The following SDK1 variants were observed in gnomAD, a reference collection of about 807,000 sequenced individuals.
The protein encoded by SDK1 is sidekick cell adhesion molecule 1, also known as protein sidekick-1.
A neutral mutation model predicts 245.5 loss-of-function variants in SDK1; 157 were observed. That is an observed-to-expected ratio of 0.64 (90% CI 0.56 to 0.73). The LOEUF is 0.73. Among genes scored for constraint, SDK1 ranks in the 30% least tolerant of loss-of-function variants. SDK1 has a pLI of 0.00. For missense variants in SDK1, 3,583 were observed against 3,002.3 expected, an observed-to-expected ratio of 1.19 and a Z score of -4.52; for synonymous variants, 1,647 against 1,278.5, an observed-to-expected ratio of 1.29 and a Z score of -6.15.
chr7:4,228,768 G>T (rs1379845595), intron 40 of SDK1, among the ~76,000 whole-genome samples: 4 of 152,182 alleles, frequency 2.6e-5, no homozygotes, highest in African/African-American at 9.7e-5. Context: ...TTGAACTCGT[G>T]ACCTCGTGAT....
chr7:3,480,520 C>T (rs1356385631), intron 1 of SDK1, among the ~76,000 whole-genome samples: 3 of 152,206 alleles, frequency 2.0e-5, no homozygotes, highest in East Asian at 1.9e-4. Context: ...CTTCGGTGTT[C>T]CCGATAAGCT....
intron 5 of SDK1, among the ~76,000 whole-genome samples, chr7:3,887,400 C>T (rs139447142): frequency 1.3e-5 from 2 of 152,202 alleles, no homozygotes; most frequent in East Asian, 1.9e-4. Context: ...GGGGAGGAAC[C>T]GTGGAGTATT....
chr7:3,821,475 G>T lies in SDK1; in HGVS notation c.739G>T (p.Val247Leu). The T allele has an allele frequency of 6.2e-7, 1 of 1,613,390 alleles. No homozygotes were observed. The highest frequency in any genetic ancestry group is 8.5e-7 in the Non-Finnish European group (1 of 1,179,710). ...AGCCATCACATTGGAGAATCAGCTG[G>T]TGATCCTCGCCACCACAACCAGTGA... ...RIAITLENQLVILATTTSDAG... is the reference protein window; with the variant it reads ...RIAITLENQLLILATTTSDAG... Residue 247 changes from valine (V) to leucine (L), a missense_variant, in exon 5 of 45, where the codon GTG becomes TTG. By Grantham distance (32) the Val-to-Leu change is conservative. Transcript: ENST00000404826.
chr7:3,329,027 G>A (rs866195826), intron 1 of SDK1, among the ~76,000 whole-genome samples: 8 of 152,238 alleles, frequency 5.3e-5, no homozygotes, highest in Middle Eastern at 3.4e-3. Flanking sequence ...AGTCTTTTAC[G>A]ATGTTCACCG....
At chr7:3,430,589 G>C (rs1346238272) in intron 1 of SDK1, among the ~76,000 whole-genome samples, 1 of 152,166 alleles carries the variant, frequency 6.6e-6, no homozygotes, top group African/African-American at 2.4e-5. Flanking sequence ...CCTGTCCTAT[G>C]TGACAGTCTC....
rs967666115 is a variant in SDK1 at position 3,605,627 on chromosome 7, C to CT, written c.299-13444dup. Among the ~76,000 whole-genome samples the CT allele has an allele frequency of 2.4e-4, 36 of 151,050 alleles. No individual in the cohort carries two copies. In the East Asian group the frequency reaches 4.7e-3, roughly 20 times the overall value. ...AAATGTCACCTACTATTTAATTTTC[C>CT]TTTTTTTTTCCAGAGTAATTTTCAC... On this transcript the variant is annotated intron_variant, in intron 1 of 44. Coordinates refer to ENST00000404826, the MANE Select transcript of SDK1 (RefSeq NM_152744.4).
At chr7:3,458,432 A>T (rs764693290) in intron 1 of SDK1, among the ~76,000 whole-genome samples, 2 of 152,000 alleles carry the variant, frequency 1.3e-5, no homozygotes, top group Non-Finnish European at 2.9e-5. Context: ...AACTCCTTCT[A>T]TGTGGCTGTT....
At chr7:3,442,599 A>G (rs753676176) in intron 1 of SDK1, among the ~76,000 whole-genome samples, 1 of 152,220 alleles carries the variant, frequency 6.6e-6, no homozygotes, top group Admixed American at 6.5e-5. Context: ...GCCCTTTTCT[A>G]ACTTTTCAAA....
chr7:3,309,994 T>G (rs1779512595), intron 1 of SDK1, among the ~76,000 whole-genome samples: 1 of 152,180 alleles, frequency 6.6e-6, no homozygotes, highest in Non-Finnish European at 1.5e-5. Flanking sequence ...ACAGTATAAT[T>G]AGGAGAATTT....
In SDK1 at chr7:4,051,970, G is replaced by C. The variant is rs181085256; in HGVS notation, c.2911+140G>C. 1.1e-4 allele frequency: 76 copies of C among 678,728 alleles called. No homozygotes were observed. The African/African-American group carries it at 1.3e-3, about 11-fold the overall frequency. 42.0% of individuals were successfully genotyped at this position (678,728 alleles called of 1,614,324 possible). Reference sequence around the variant, plus strand: ...GGAGTGCTTGCAGTCAGCTCACCTAGGGAGATCAGGCATCAGTACTGATAA... The same window carrying C: ...GGAGTGCTTGCAGTCAGCTCACCTACGGAGATCAGGCATCAGTACTGATAA... On this transcript the variant is annotated intron_variant, in intron 19 of 44. Coordinates refer to ENST00000404826, the MANE Select transcript of SDK1 (RefSeq NM_152744.4).
chr7:3,711,638 G>C (rs1785053905), intron 4 of SDK1, among the ~76,000 whole-genome samples: 1 of 152,172 alleles, frequency 6.6e-6, no homozygotes, highest in South Asian at 2.1e-4. Context: ...AGAGCCCAAA[G>C]CAGAAAAGCT....
At chr7:4,264,863 A>T (rs1008339091) in intron 44 of SDK1, among the ~76,000 whole-genome samples, 10 of 152,252 alleles carry the variant, frequency 6.6e-5, no homozygotes, top group African/African-American at 2.2e-4. Flanking sequence ...TCTTCTCGGA[A>T]ACCTGGTACA....
At chr7:3,764,098 T>A (rs1375822765) in intron 4 of SDK1, among the ~76,000 whole-genome samples, 1 of 152,190 alleles carries the variant, frequency 6.6e-6, no homozygotes, top group Non-Finnish European at 1.5e-5. Context: ...AAGCTATGAG[T>A]AGTATTGTTA....
chr7:3,336,010 A>G (rs561972235), intron 1 of SDK1, among the ~76,000 whole-genome samples: 11 of 152,252 alleles, frequency 7.2e-5, no homozygotes, highest in African/African-American at 2.6e-4. Flanking sequence ...TATCTCCCAC[A>G]TGTCTAGTAC....
chr7:3,467,136 C>T (rs1278716499), intron 1 of SDK1, among the ~76,000 whole-genome samples: 6 of 151,954 alleles, frequency 3.9e-5, no homozygotes, highest in African/African-American at 1.4e-4. Flanking sequence ...CTTCTTTATA[C>T]TTGCTTTCTT....
chr7:3,786,611 A>C (rs936475971), intron 4 of SDK1, among the ~76,000 whole-genome samples: 1 of 152,226 alleles, frequency 6.6e-6, no homozygotes, highest in African/African-American at 2.4e-5. Context: ...TCTGTGTCTC[A>C]GTGAATGGAC....
At chr7:4,120,800 G>A (rs1318447563) in intron 25 of SDK1, among the ~76,000 whole-genome samples, 1 of 151,926 alleles carries the variant, frequency 6.6e-6, no homozygotes, top group Non-Finnish European at 1.5e-5. Flanking sequence ...ATTTTTAGTA[G>A]AGATGGGGTT....
intron 22 of SDK1, among the ~76,000 whole-genome samples, chr7:4,090,799 C>T (rs1410351939): frequency 6.6e-6 from 1 of 152,174 alleles, no homozygotes; most frequent in Admixed American, 6.5e-5. Context: ...ATATCTATAG[C>T]TAGGTCAGTT....
intron 8 of SDK1, among the ~76,000 whole-genome samples, chr7:3,962,029 G>A (rs1000998839): frequency 3.3e-5 from 5 of 151,858 alleles, no homozygotes; most frequent in African/African-American, 1.2e-4. Flanking sequence ...GTAGACACAT[G>A]CACATATATA....
Sources: allele counts gnomAD v4.1 joint callset (sites outside exome capture counted in the v4.1 genomes callset), GRCh38; gene constraint gnomAD v4.1.1; transcripts MANE v1.5; gene names NCBI Gene and HGNC (gene_info 2026-07-23, HGNC 2026-07-21).